The following GRID1 variants were observed in gnomAD, a reference collection of about 807,000 sequenced individuals.
GRID1 encodes glutamate ionotropic receptor delta type subunit 1.
In GRID1, 28 loss-of-function variants were observed where a neutral mutation model predicts 98.0. The ratio of observed to expected loss-of-function variants is 0.29; its 90% CI spans 0.21 to 0.39. The LOEUF is 0.39. GRID1 is among the 10% of genes least tolerant of loss of function. The pLI, the probability that GRID1 is intolerant of heterozygous loss-of-function variation, is 1.00. For missense variants in GRID1, 1,111 were observed against 1,340.5 expected (o/e 0.83, Z 2.67); for synonymous variants, 553 against 538.5 (o/e 1.03, Z -0.37).
intron 4 of GRID1, among the ~76,000 whole-genome samples, chr10:85,965,422 G>A (rs1842324029): frequency 6.6e-6 from 1 of 152,178 alleles, no homozygotes. Flanking sequence ...TAAGGAAAAT[G>A]TGGCACATAT....
rs1841779063 is a variant in GRID1, at chr10:85,727,871, C to T, written c.1517G>A (p.Gly506Glu). 1 of 1,613,366 alleles carries T rather than the reference C, an allele frequency of 6.2e-7. No individual in the cohort carries two copies. Among genetic ancestry groups the T allele is most frequent in the African/African-American group, 1.3e-5 (1 of 74,878 alleles). ...GGGACCTACCTTGCTGATGAGCTCC[C>T]CGATCATCCCGTTCCAGGAGGTGTT... ...LHNTSWNGMI[G>E]ELISKRADLA... Residue 506 changes from glycine to glutamate, a missense_variant, in exon 10 of 16, where the codon GGG (glycine) becomes GAG (glutamate). This residue lies in a region of GRID1 where 762 missense variants were observed against 869.1 expected (regional missense o/e 0.88). Coordinates refer to ENST00000327946, the MANE Select transcript of GRID1 (RefSeq NM_017551.3).
chr10:85,649,262 G>T (rs913152553), intron 12 of GRID1, among the ~76,000 whole-genome samples: 3 of 152,224 alleles, frequency 2.0e-5, no homozygotes, highest in Admixed American at 6.5e-5. Flanking sequence ...GGAGACACAT[G>T]CCACAGCACT....
At chr10:85,779,230 T>A (rs577865822) in intron 8 of GRID1, among the ~76,000 whole-genome samples, 101 of 152,106 alleles carry the variant, frequency 6.6e-4, no homozygotes, top group African/African-American at 2.4e-3. Context: ...TGTTTCTCAG[T>A]CTACGAAGGC....
intron 4 of GRID1, among the ~76,000 whole-genome samples, chr10:85,940,492 C>A (rs907143172): frequency 1.3e-5 from 2 of 152,190 alleles, no homozygotes; most frequent in Non-Finnish European, 2.9e-5. Flanking sequence ...GGTGCACACA[C>A]TGATGTGGCT....
intron 5 of GRID1, among the ~76,000 whole-genome samples, chr10:85,880,302 G>A (rs1370902437): frequency 6.6e-6 from 1 of 152,010 alleles, no homozygotes; most frequent in African/African-American, 2.4e-5. Context: ...TACCAAAGCT[G>A]GGCAGAGACA....
At chr10:85,906,419 T>A (rs910851439) in intron 5 of GRID1, among the ~76,000 whole-genome samples, 1 of 152,188 alleles carries the variant, frequency 6.6e-6, no homozygotes, top group African/African-American at 2.4e-5. Flanking sequence ...TTCACATTTA[T>A]GAAACATTCC....
At chr10:86,038,432 G>C (rs530607555) in intron 4 of GRID1, among the ~76,000 whole-genome samples, 4 of 152,280 alleles carry the variant, frequency 2.6e-5, no homozygotes, top group South Asian at 2.1e-4. Context: ...ACAGCTCTTG[G>C]GCTGCTGAAT....
At position 85,933,285 on chromosome 10, in the gene GRID1, TAAAAAAA is replaced by T. The variant is rs59704249; in HGVS notation, c.727-17053_727-17047del. ...GTATAAGAAATAAATCTCTGTTCTTTAAAAAAAAAAAAAAAAAAAAAAAAAAACTTAT... is the reference window on the plus strand; with the variant it reads ...GTATAAGAAATAAATCTCTGTTCTTTAAAAAAAAAAAAAAAAAAAACTTAT... On this transcript the variant is annotated intron_variant, in intron 4 of 15. Transcript: ENST00000327946. 8.1e-4 allele frequency among the ~76,000 whole-genome samples: 97 copies of T among 120,448 alleles called. 1 individual carries two copies. The highest frequency in any genetic ancestry group is 2.8e-3 in the South Asian group (10 of 3,610). The allele number at this position is 120,448 out of a possible 152,430, so 79.0% of individuals were successfully genotyped here.
intron 8 of GRID1, among the ~76,000 whole-genome samples, chr10:85,816,798 C>A (rs1416421091): frequency 6.6e-6 from 1 of 152,128 alleles, no homozygotes; most frequent in African/African-American, 2.4e-5. Flanking sequence ...ATAATTTCAT[C>A]ATCCAGGTAA....
chr10:86,041,750 A>G (rs1289312920), intron 4 of GRID1, among the ~76,000 whole-genome samples: 1 of 152,184 alleles, frequency 6.6e-6, no homozygotes, highest in Non-Finnish European at 1.5e-5. Flanking sequence ...CAAGTCTGTG[A>G]CCCAAGAGTC....
In GRID1 at chr10:85,786,185, G is replaced by C. The variant is rs530114535; in HGVS notation, c.1234-56571C>G. ...GGCAGTGAGACCTGATTCATGAAGG[G>C]AAAGCTGCCTGAATCAATAGCCAGC... On this transcript the variant is annotated intron_variant, in intron 8 of 15. Coordinates refer to ENST00000327946, the MANE Select transcript of GRID1 (RefSeq NM_017551.3). 2.0e-5 allele frequency among the ~76,000 whole-genome samples: 3 copies of C among 152,270 alleles called. No individual in the cohort carries two copies. The East Asian group carries it at 5.8e-4, about 29-fold the overall frequency.
At chr10:86,167,139 AG>A in intron 3 of GRID1, among the ~76,000 whole-genome samples, 1 of 152,284 alleles carries the variant, frequency 6.6e-6, no homozygotes, top group African/African-American at 2.4e-5. Context: ...GGGAGACCTG[AG>A]GTTTTTCCAC....
chr10:86,339,059 C>T (rs1230684592), intron 2 of GRID1, among the ~76,000 whole-genome samples: 1 of 152,118 alleles, frequency 6.6e-6, no homozygotes, highest in Non-Finnish European at 1.5e-5. Context: ...TATCTCTCAC[C>T]TCCTCTCTCA....
chr10:86,269,937 C>T (rs1318704404), intron 2 of GRID1, among the ~76,000 whole-genome samples: 1 of 152,162 alleles, frequency 6.6e-6, no homozygotes, highest in African/African-American at 2.4e-5. Flanking sequence ...CTACAGGGCT[C>T]ACACATGAGT....
At chr10:86,133,937 C>T (rs1172696921) in intron 4 of GRID1, among the ~76,000 whole-genome samples, 5 of 152,126 alleles carry the variant, frequency 3.3e-5, no homozygotes, top group Non-Finnish European at 7.4e-5. Context: ...AGTTTAAAAT[C>T]ATTTAATTTT....
intron 2 of GRID1, among the ~76,000 whole-genome samples, chr10:86,261,575 C>T (rs899869362): frequency 6.6e-6 from 1 of 152,202 alleles, no homozygotes; most frequent in Non-Finnish European, 1.5e-5. Flanking sequence ...AAGCCAGGGG[C>T]GTTTTCCTCT....
chr10:85,975,097 C>A (rs1196304714), intron 4 of GRID1, among the ~76,000 whole-genome samples: 1 of 152,214 alleles, frequency 6.6e-6, no homozygotes, highest in Non-Finnish European at 1.5e-5. Flanking sequence ...TTAGACATTC[C>A]CATTCTCATC....
At chr10:86,007,605 T>A (rs191858627) in intron 4 of GRID1, among the ~76,000 whole-genome samples, 1 of 152,306 alleles carries the variant, frequency 6.6e-6, no homozygotes, top group Non-Finnish European at 1.5e-5. Context: ...AACAAGCAAC[T>A]TTTAATAACT....
intron 2 of GRID1, among the ~76,000 whole-genome samples, chr10:86,347,250 C>T (rs1336552517): frequency 2.0e-5 from 3 of 152,196 alleles, no homozygotes; most frequent in Admixed American, 1.3e-4. Context: ...CCCCCCTTAA[C>T]GTGACAGGCC....
Sources: allele counts gnomAD v4.1 joint callset (sites outside exome capture counted in the v4.1 genomes callset), GRCh38; gene constraint gnomAD v4.1.1; regional missense constraint gnomAD v4.1.1; transcripts MANE v1.5; gene names NCBI Gene and HGNC (gene_info 2026-07-23, HGNC 2026-07-21).